ZNF277: variants seen among roughly 807,000 people sequenced by gnomAD.
ZNF277 encodes the protein zinc finger protein 277.
A neutral mutation model predicts 60.7 loss-of-function variants in ZNF277; 55 were observed. The ratio of observed to expected loss-of-function variants is 0.91; its 90% CI spans 0.73 to 1.13. ZNF277 has a LOEUF of 1.13. Ranked by LOEUF, ZNF277 falls within the 50% of genes most tolerant of loss-of-function variation. The probability of loss-of-function intolerance (pLI) is 0.00; values close to 1 mark genes in which losing one functional copy is unlikely to be tolerated. For synonymous variants in ZNF277, 178 were observed against 179.3 expected (o/e 0.99, Z 0.06); for missense variants, 510 against 523.0 (o/e 0.98, Z 0.24).
intron 1 of ZNF277, among the ~76,000 whole-genome samples, chr7:112,243,658 T>A (rs1024536535): frequency 1.3e-5 from 2 of 151,938 alleles, no homozygotes; most frequent in African/African-American, 4.8e-5. Context: ...ATGGCTATAG[T>A]TAAAAAGTCA....
chr7:112,244,623 G>C (rs1313645340), intron 1 of ZNF277, among the ~76,000 whole-genome samples: 1 of 152,058 alleles, frequency 6.6e-6, no homozygotes, highest in Non-Finnish European at 1.5e-5. Context: ...AAAGTTAGAT[G>C]TATTTTCCCT....
chr7:112,334,218 G>T (rs1793283742), intron 7 of ZNF277, among the ~76,000 whole-genome samples: 1 of 151,974 alleles, frequency 6.6e-6, no homozygotes, highest in Non-Finnish European at 1.5e-5. Flanking sequence ...ATGGGTGAAG[G>T]GGATCTTTTT....
intron 1 of ZNF277, among the ~76,000 whole-genome samples, chr7:112,284,863 A>C (rs920339332): frequency 6.6e-6 from 1 of 151,990 alleles, no homozygotes; most frequent in Non-Finnish European, 1.5e-5. Context: ...AACCCTGTAC[A>C]TTCTCCATTT....
chr7:112,206,990 C>T (rs921894051), intron 1 of ZNF277, among the ~76,000 whole-genome samples, 183 bp downstream of exon 1: 2 of 152,178 alleles, frequency 1.3e-5, no homozygotes, highest in Non-Finnish European at 2.9e-5. Flanking sequence ...TTGGTTGGGG[C>T]TGCCCGGGGA....
At chr7:112,253,423 G>C (rs1221692972) in intron 1 of ZNF277, among the ~76,000 whole-genome samples, 2 of 152,052 alleles carry the variant, frequency 1.3e-5, no homozygotes, top group African/African-American at 4.8e-5. Context: ...AATTTCTAAC[G>C]ATACTTGCTA....
At chr7:112,290,250 G>A (rs1006214360) in intron 2 of ZNF277, among the ~76,000 whole-genome samples, 3 of 152,146 alleles carry the variant, frequency 2.0e-5, no homozygotes, top group South Asian at 2.1e-4. Flanking sequence ...TCCTCTGCCC[G>A]TAAAGTATGT....
chr7:112,249,413 TC>T (rs1791151946), intron 1 of ZNF277, among the ~76,000 whole-genome samples: 1 of 152,196 alleles, frequency 6.6e-6, no homozygotes, highest in South Asian at 2.1e-4. Context: ...AGCCATTTGA[TC>T]CCTTTCATGC....
intron 10 of ZNF277, among the ~76,000 whole-genome samples, chr7:112,340,321 ATTGT>A (rs1793419081): frequency 6.6e-6 from 1 of 152,122 alleles, no homozygotes; most frequent in African/African-American, 2.4e-5. Flanking sequence ...TATAGCTAGG[ATTGT>A]TTGTTATAGG....
intron 1 of ZNF277, among the ~76,000 whole-genome samples, chr7:112,285,785 T>C (rs1463124428): frequency 6.6e-6 from 1 of 152,070 alleles, no homozygotes; most frequent in African/African-American, 2.4e-5. Context: ...AATTAATTCA[T>C]AAATTAAGAA....
chr7:112,237,367 A>C (rs1587103590), intron 1 of ZNF277, among the ~76,000 whole-genome samples: 1 of 152,138 alleles, frequency 6.6e-6, no homozygotes, highest in East Asian at 1.9e-4. Flanking sequence ...AAGAAGTAAC[A>C]AGTCAGTACA....
Position 112,342,762 on chromosome 7 carries a change from G to T in ZNF277, c.*33G>T. On this transcript the variant is annotated 3_prime_UTR_variant, in exon 12 of 12. Coordinates refer to ENST00000361822, the MANE Select transcript of ZNF277 (RefSeq NM_021994.3). ...TGAAAACCTAGAAGAAACTACCACA[G>T]AAGCAATTTTTCATGTTTTTCTCCT... The T allele has an allele frequency of 1.4e-6, 2 of 1,440,200 alleles. No homozygotes were observed. Among genetic ancestry groups the T allele is most frequent in the South Asian group, 1.6e-5 (1 of 62,908 alleles). 89.2% of individuals were successfully genotyped at this position (1,440,200 alleles called of 1,614,324 possible). A position where few individuals can be genotyped will look rare whatever the true frequency, so the allele number is the denominator to read the frequency against.
chr7:112,277,036 A>T (rs1791813649), intron 1 of ZNF277, among the ~76,000 whole-genome samples: 1 of 151,608 alleles, frequency 6.6e-6, no homozygotes, highest in Non-Finnish European at 1.5e-5. Flanking sequence ...CATGATTTTT[A>T]AATTTTTATG....
At chr7:112,268,531 C>G (rs960545523) in intron 1 of ZNF277, among the ~76,000 whole-genome samples, 4 of 151,428 alleles carry the variant, frequency 2.6e-5, no homozygotes, top group African/African-American at 9.7e-5. Context: ...GATCATTAGC[C>G]CACATAGGAT....
chr7:112,220,401 T>C (rs1007061191), intron 1 of ZNF277, among the ~76,000 whole-genome samples: 6 of 152,060 alleles, frequency 3.9e-5, no homozygotes, highest in African/African-American at 1.4e-4. Context: ...CTTTACTGAG[T>C]TCGTTTATCA....
chr7:112,339,077 G>T (rs1267477479), intron 9 of ZNF277, among the ~76,000 whole-genome samples: 1 of 152,140 alleles, frequency 6.6e-6, no homozygotes, highest in Admixed American at 6.5e-5. Flanking sequence ...GAAGCTTTGA[G>T]GTTTAAACAG....
chr7:112,282,401 A>G (rs1461033712), intron 1 of ZNF277, among the ~76,000 whole-genome samples: 1 of 152,242 alleles, frequency 6.6e-6, no homozygotes, highest in Non-Finnish European at 1.5e-5. Context: ...AAGTGAGTAC[A>G]TTTAAAATAT....
chr7:112,318,472 A>C (rs1792894962), intron 5 of ZNF277, among the ~76,000 whole-genome samples, 199 bp downstream of exon 5: 1 of 152,130 alleles, frequency 6.6e-6, no homozygotes, highest in African/African-American at 2.4e-5. Context: ...ATAAATTCTT[A>C]AAATGACAGA....
At position 112,272,088 on chromosome 7, in the gene ZNF277, C is replaced by T. The variant is rs78635379; in HGVS notation, c.92-14785C>T. On this transcript the variant is annotated intron_variant, in intron 1 of 11. Coordinates refer to ENST00000361822, the MANE Select transcript of ZNF277 (RefSeq NM_021994.3). ...TGACCATACTCCCTTCCCCCTACCCCCTACTAGCCAGCCTCTAGTAACTAT... is the reference window on the plus strand; with the variant it reads ...TGACCATACTCCCTTCCCCCTACCCTCTACTAGCCAGCCTCTAGTAACTAT... Among the ~76,000 whole-genome samples, 881 of 152,224 alleles carry T rather than the reference C, an allele frequency of 5.8e-3. 11 individuals are homozygous for T. Among genetic ancestry groups the T allele is most frequent in the African/African-American group, 0.02 (822 of 41,544 alleles).
At chr7:112,325,018 A>C (rs191431347) in intron 5 of ZNF277, among the ~76,000 whole-genome samples, 2 of 152,164 alleles carry the variant, frequency 1.3e-5, no homozygotes, top group African/African-American at 4.8e-5. Flanking sequence ...GCTGATTCAC[A>C]TACTAATCTC....
Sources: gnomAD v4.1 joint callset for allele counts (sites outside exome capture counted in the v4.1 genomes callset) on GRCh38, gnomAD v4.1.1 for gene constraint, MANE v1.5 for transcripts, NCBI Gene and HGNC (gene_info 2026-07-23, HGNC 2026-07-21) for gene names.